The following SCFD2 variants were observed in gnomAD, a reference collection of about 807,000 sequenced individuals.
SCFD2 encodes the protein sec1 family domain-containing protein 2.
Under a neutral mutation model 58.9 loss-of-function variants are expected in SCFD2, and 54 were observed. The observed-to-expected ratio is 0.92, with a 90% CI of 0.74 to 1.15. SCFD2 has a LOEUF of 1.15. SCFD2 is among the 50% of genes most tolerant of loss of function. The pLI is 0.00. For missense variants in SCFD2, 805 were observed against 836.6 expected (o/e 0.96, Z 0.47); for synonymous variants, 321 against 335.9 (o/e 0.96, Z 0.49).
At chr4:53,260,932 A>C (rs547295691) in intron 4 of SCFD2, among the ~76,000 whole-genome samples, 1 of 152,104 alleles carries the variant, frequency 6.6e-6, no homozygotes, top group East Asian at 1.9e-4. Flanking sequence ...GAGTTTCTAT[A>C]TCTTCCTGGT....
intron 4 of SCFD2, among the ~76,000 whole-genome samples, chr4:53,245,324 A>G (rs985443514): frequency 6.6e-6 from 1 of 152,182 alleles, no homozygotes; most frequent in Non-Finnish European, 1.5e-5. Flanking sequence ...CTTCAGGCCA[A>G]TATCCTTGGT....
chr4:53,021,859 C>T (rs1339676025), intron 5 of SCFD2, among the ~76,000 whole-genome samples: 1 of 152,160 alleles, frequency 6.6e-6, no homozygotes, highest in Non-Finnish European at 1.5e-5. Context: ...CATCCCTAAC[C>T]TTGGCCCTGG....
intron 5 of SCFD2, among the ~76,000 whole-genome samples, chr4:53,135,397 T>C (rs1725906124): frequency 6.6e-6 from 1 of 152,206 alleles, no homozygotes; most frequent in Admixed American, 6.5e-5. Context: ...ATTCCTGGTT[T>C]CTTGAGAGAT....
At chr4:52,994,520 C>A (rs952867308) in intron 5 of SCFD2, among the ~76,000 whole-genome samples, 1 of 152,150 alleles carries the variant, frequency 6.6e-6, no homozygotes, top group Non-Finnish European at 1.5e-5. Context: ...GATCATCTGG[C>A]CCATTTGACA....
At chr4:53,114,727 A>C (rs933453931) in intron 5 of SCFD2, among the ~76,000 whole-genome samples, 7 of 152,172 alleles carry the variant, frequency 4.6e-5, no homozygotes, top group Non-Finnish European at 1.0e-4. Context: ...ATCAGAAGGA[A>C]AAGTGGAACA....
At chr4:53,215,028 C>G (rs1728768334) in intron 4 of SCFD2, among the ~76,000 whole-genome samples, 1 of 152,048 alleles carries the variant, frequency 6.6e-6, no homozygotes, top group Non-Finnish European at 1.5e-5. Flanking sequence ...GTTTTGGTAC[C>G]AGTACCACGC....
chr4:53,287,308 G>T (rs1330561517), intron 3 of SCFD2, among the ~76,000 whole-genome samples: 3 of 152,140 alleles, frequency 2.0e-5, no homozygotes, highest in Admixed American at 6.5e-5. Context: ...ACTGCCTGTG[G>T]ACCATGTCAG....
intron 2 of SCFD2, among the ~76,000 whole-genome samples, chr4:53,328,596 A>G (rs866394810): frequency 2.0e-5 from 3 of 152,252 alleles, no homozygotes; most frequent in African/African-American, 7.2e-5. Context: ...ATACATATAT[A>G]CAAACATACA....
chr4:53,080,121 A>G (rs1277516269), intron 5 of SCFD2, among the ~76,000 whole-genome samples: 1 of 152,142 alleles, frequency 6.6e-6, no homozygotes, highest in African/African-American at 2.4e-5. Context: ...GCAACGAAAC[A>G]TTACCCTCTG....
chr4:53,356,946 T>G (rs1260023526), intron 1 of SCFD2, among the ~76,000 whole-genome samples: 10 of 151,962 alleles, frequency 6.6e-5, no homozygotes, highest in Non-Finnish European at 1.3e-4. Flanking sequence ...AGACATATTT[T>G]TAAACCACCA....
In SCFD2 at chr4:53,212,602, G is replaced by GTGTGTGTGTT. The variant is rs57906429; in HGVS notation, c.1311+61223_1311+61224insAACACACACA. Among the ~76,000 whole-genome samples, 634 of 150,500 alleles carry GTGTGTGTGTT rather than the reference G, an allele frequency of 4.2e-3. 8 individuals carry two copies. Among genetic ancestry groups the GTGTGTGTGTT allele is most frequent in the African/African-American group, 0.013 (544 of 40,592 alleles). ...TGTGTGTGTGTGTGTGTGTGTGTGT[G>GTGTGTGTGTT]TGTGTGCATGTGGTGTCTGTGTGTG... On this transcript the variant is annotated intron_variant, in intron 4 of 8. Coordinates refer to ENST00000401642, the MANE Select transcript of SCFD2 (RefSeq NM_152540.4).
intron 4 of SCFD2, among the ~76,000 whole-genome samples, chr4:53,267,764 C>G (rs1731035441): frequency 6.6e-6 from 1 of 152,090 alleles, no homozygotes; most frequent in Non-Finnish European, 1.5e-5. Context: ...TCTTTCAATT[C>G]TTTCTTTAGT....
At chr4:53,277,925 C>T (rs538900725) in intron 3 of SCFD2, among the ~76,000 whole-genome samples, 1 of 151,980 alleles carries the variant, frequency 6.6e-6, no homozygotes, top group South Asian at 2.1e-4. Flanking sequence ...TGGTGGTGGG[C>T]GCCTGTAGTC....
chr4:52,903,379 C>G (rs1340998822), intron 7 of SCFD2, among the ~76,000 whole-genome samples: 1 of 152,140 alleles, frequency 6.6e-6, no homozygotes, highest in East Asian at 1.9e-4. Flanking sequence ...TCAGGGCCTC[C>G]TTTGAGGGTC....
chr4:52,933,327 G>A (rs755844501), intron 5 of SCFD2, among the ~76,000 whole-genome samples: 7 of 152,130 alleles, frequency 4.6e-5, no homozygotes, highest in Non-Finnish European at 8.8e-5. Context: ...AGGCCCCCAT[G>A]GAGATGCTCA....
At chr4:53,090,398 C>T (rs905086195) in intron 5 of SCFD2, among the ~76,000 whole-genome samples, 2 of 152,180 alleles carry the variant, frequency 1.3e-5, no homozygotes, top group African/African-American at 4.8e-5. Flanking sequence ...CAGGAGGGGA[C>T]ACCTCTTCTG....
intron 4 of SCFD2, among the ~76,000 whole-genome samples, chr4:53,181,315 G>C (rs767864482): frequency 3.3e-5 from 5 of 152,170 alleles, no homozygotes; most frequent in East Asian, 3.9e-4. Flanking sequence ...CCATGATCAA[G>C]TGGGCTTCAT....
At chr4:53,300,169 T>C (rs2149096959) in intron 3 of SCFD2, among the ~76,000 whole-genome samples, 1 of 151,836 alleles carries the variant, frequency 6.6e-6, no homozygotes, top group South Asian at 2.1e-4. Flanking sequence ...GGATAAAGAG[T>C]CAAGACCCAT....
At chr4:52,998,578 T>A (rs1721796077) in intron 5 of SCFD2, among the ~76,000 whole-genome samples, 1 of 152,210 alleles carries the variant, frequency 6.6e-6, no homozygotes, top group Non-Finnish European at 1.5e-5. Flanking sequence ...CCAGCCCCTT[T>A]AGCCCCAGCT....
Sources: allele counts gnomAD v4.1 joint callset (sites outside exome capture counted in the v4.1 genomes callset), GRCh38; gene constraint gnomAD v4.1.1; transcripts MANE v1.5; gene names NCBI Gene and HGNC (gene_info 2026-07-23, HGNC 2026-07-21).